ARHGEF18: variants seen among roughly 807,000 people sequenced by gnomAD.
The protein encoded by ARHGEF18 is rho guanine nucleotide exchange factor 18.
A neutral mutation model predicts 155.7 loss-of-function variants in ARHGEF18; 93 were observed. The observed-to-expected ratio is 0.60, with a 90% CI of 0.50 to 0.71. The LOEUF (loss-of-function observed/expected upper bound fraction) is 0.71, where lower values mean the gene tolerates loss of function less well. Ranked by LOEUF, ARHGEF18 falls within the 30% of genes least tolerant of loss-of-function variation. The probability of loss-of-function intolerance (pLI) is 0.00; values close to 1 mark genes in which losing one functional copy is unlikely to be tolerated. For synonymous variants in ARHGEF18, 742 were observed against 753.1 expected (o/e 0.99, Z 0.24); for missense variants, 1,593 against 1,816.1 (o/e 0.88, Z 2.23).
At chr19:7,418,902 C>T (rs893185280) in intron 10 of ARHGEF18, among the ~76,000 whole-genome samples, 7 of 151,882 alleles carry the variant, frequency 4.6e-5, no homozygotes, top group African/African-American at 1.7e-4. Flanking sequence ...GTCCACCTGG[C>T]GCCTGTTCAG....
chr19:7,409,270 G>A (rs1238062717), intron 10 of ARHGEF18, among the ~76,000 whole-genome samples: 5 of 147,128 alleles, frequency 3.4e-5, no homozygotes, highest in East Asian at 4.1e-4. Flanking sequence ...CATGTCAGCC[G>A]GGATGGTCTT....
chr19:7,359,028 C>T (rs143765333), intron 1 of ARHGEF18, among the ~76,000 whole-genome samples: 157 of 152,226 alleles, frequency 1.0e-3, no homozygotes, highest in African/African-American at 3.4e-3. Flanking sequence ...AAATTGTCTG[C>T]AGAGGATCTG....
At chr19:7,404,698 C>G (rs1033984865) in intron 10 of ARHGEF18, among the ~76,000 whole-genome samples, 1 of 152,158 alleles carries the variant, frequency 6.6e-6, no homozygotes, top group African/African-American at 2.4e-5. Context: ...GATCGTGGAG[C>G]TAATCCGACC....
At chr19:7,449,019 A>AT (rs1975190811) in intron 15 of ARHGEF18, among the ~76,000 whole-genome samples, 1 of 152,058 alleles carries the variant, frequency 6.6e-6, no homozygotes, top group Non-Finnish European at 1.5e-5. Context: ...ACTTCATTGC[A>AT]TTATAGGTAG....
At position 7,372,872 on chromosome 19, in the gene ARHGEF18, G is replaced by A. The variant is rs1056228088; in HGVS notation, c.76G>A (p.Ala26Thr). 3.2e-6 allele frequency: 4 copies of A among 1,234,344 alleles called. No homozygotes were observed. In the African/African-American group the frequency reaches 6.2e-5, roughly 19 times the overall value. The allele number at this position is 1,234,344 out of a possible 1,614,324, so 76.5% of individuals were successfully genotyped here. A position where few individuals can be genotyped will look rare whatever the true frequency, so the allele number is the denominator to read the frequency against. Residue 26 changes from alanine to threonine, a missense_variant, in exon 3 of 29, where the codon GCC (alanine) becomes ACC (threonine). Coordinates refer to ENST00000668164, the MANE Select transcript of ARHGEF18 (RefSeq NM_001367823.1). ...GGAGGACCTCAGCCTGGATTTGGGG[G>A]CCCTTCAGGGCAGCGAGTATCTGCA... ...SMEDLSLDLG[A>T]LQGSEYLQDL...
Position 7,451,202 on chromosome 19 carries a change from C to G in ARHGEF18, c.1791C>G (p.Leu597=), listed in dbSNP as rs755698243. 1.2e-6 allele frequency: 2 copies of G among 1,609,106 alleles called. No individual in the cohort carries two copies. Among genetic ancestry groups the G allele is most frequent in the Non-Finnish European group, 1.7e-6 (2 of 1,178,290 alleles). The change falls in exon 16 of 29, where the codon CTC becomes CTG. Residue 597 remains leucine (L), a synonymous_variant. Transcript: ENST00000668164. ...GGCTTGGCGTGCAGGAGTGCATTCT[C>G]CTGGTTACACAACGCATAACCAAAT... The part of the protein sequence containing the change: ...VRRLGVQECI[L]LVTQRITKYP...
chr19:7,449,713 G>T (rs1975240609), intron 15 of ARHGEF18, among the ~76,000 whole-genome samples: 1 of 151,988 alleles, frequency 6.6e-6, no homozygotes, highest in South Asian at 2.1e-4. Context: ...GTCTTGCTCT[G>T]TGGCCCAGGC....
In ARHGEF18 at chr19:7,371,878, A is replaced by G. The variant is rs1232782952; in HGVS notation, c.16-934A>G. Among the ~76,000 whole-genome samples, 3 of 152,210 alleles carry G rather than the reference A, an allele frequency of 2.0e-5. No homozygotes were observed. The East Asian group carries it at 5.8e-4, about 29-fold the overall frequency. ...TGTGATGTGTATTTCACTGGAATAA[A>G]AAGAAGGGAGGGGCCAAATCTATAA... On this transcript the variant is annotated intron_variant, in intron 2 of 28. Coordinates refer to ENST00000668164, the MANE Select transcript of ARHGEF18 (RefSeq NM_001367823.1).
In ARHGEF18 at chr19:7,370,292, G is replaced by A. The variant is rs544721082; in HGVS notation, c.16-2520G>A. Among the ~76,000 whole-genome samples, 5 of 152,216 alleles carry A rather than the reference G, an allele frequency of 3.3e-5. No individual in the cohort carries two copies. In the East Asian group the frequency reaches 7.7e-4, roughly 24 times the overall value. ...GGGTGGATCACGAGGTCAGGAGATC[G>A]AGACCATCCTGGCTAACACAGGGAA... On this transcript the variant is annotated intron_variant, in intron 2 of 28. Transcript: ENST00000668164.
intron 10 of ARHGEF18, among the ~76,000 whole-genome samples, chr19:7,422,721 T>TC (rs1450644177): frequency 1.4e-5 from 2 of 142,184 alleles, no homozygotes; most frequent in Non-Finnish European, 3.0e-5. Context: ...CTTTTCTTTT[T>TC]TTTTTTTTTT....
Position 7,450,868 on chromosome 19 carries a change from G to A in ARHGEF18, c.1738-281G>A, listed in dbSNP as rs577131544. On this transcript the variant is annotated intron_variant, in intron 15 of 28. Transcript: ENST00000668164. ...ATGTTAATGCGGCGTCTTGCTGTCC[G>A]TTTCCGAGATGTTAATGCGGGGTCT... Among the ~76,000 whole-genome samples, 112 of 10,068 alleles carry A rather than the reference G, an allele frequency of 0.011. 1 individual carries two copies. The East Asian group carries it at 0.19, about 17-fold the overall frequency. The allele number at this position is 10,068 out of a possible 152,430, so 6.6% of individuals were successfully genotyped here.
At chr19:7,355,677 G>A in intron 1 of ARHGEF18, 1 of 985,486 alleles carries the variant, frequency 1.0e-6, no homozygotes, top group Non-Finnish European at 1.2e-6. Flanking sequence ...TCCAAGCTGT[G>A]GCTGAAGCGG....
At chr19:7,375,351 AGAAAAG>A (rs941401786) in intron 3 of ARHGEF18, among the ~76,000 whole-genome samples, 1 of 143,736 alleles carries the variant, frequency 7.0e-6, no homozygotes, top group East Asian at 2.1e-4. Context: ...AGAAAAAGAA[AGAAAAG>A]GAAGGAAGGA....
At chr19:7,472,563 T>C (rs114487974), downstream of ARHGEF18, 2,077 of 174,368 alleles carry the variant, frequency 0.012, 45 homozygotes, top group African/African-American at 0.047. Flanking sequence ...GCAGGTTCTG[T>C]TGGGGGCTCC....
In ARHGEF18 at chr19:7,378,455, A is replaced by G. The variant is rs1282275421; in HGVS notation, c.599+4A>G. The G allele has an allele frequency of 8.1e-7, 1 of 1,233,692 alleles. No individual in the cohort carries two copies. Among genetic ancestry groups the G allele is most frequent in the Non-Finnish European group, 1.0e-6 (1 of 988,092 alleles). 76.4% of individuals were successfully genotyped at this position (1,233,692 alleles called of 1,614,324 possible). ...ACCATGTGGAACCAGATCACGTGTGAGTTTCTGCCTCGTGGTGGGGGAGGG... is the reference window on the plus strand; with the variant it reads ...ACCATGTGGAACCAGATCACGTGTGGGTTTCTGCCTCGTGGTGGGGGAGGG... On this transcript the variant is annotated splice_donor_region_variant and intron_variant, in intron 6 of 28. Coordinates refer to ENST00000668164, the MANE Select transcript of ARHGEF18 (RefSeq NM_001367823.1).
chr19:7,401,906 A>T (rs1972035439), intron 10 of ARHGEF18, among the ~76,000 whole-genome samples: 1 of 152,178 alleles, frequency 6.6e-6, no homozygotes, highest in Non-Finnish European at 1.5e-5. Flanking sequence ...CATGAAAAAG[A>T]AGTTCCGATA....
At chr19:7,378,333 GGCT>G in intron 5 of ARHGEF18, 58 bp from the exon 6 acceptor site, 2 of 1,211,516 alleles carry the variant, frequency 1.7e-6, no homozygotes, top group Non-Finnish European at 2.1e-6. Flanking sequence ...GGCTCTGCTG[GGCT>G]GGTCCTGTCC....
chr19:7,359,943 C>T (rs1305085496), intron 1 of ARHGEF18, among the ~76,000 whole-genome samples: 1 of 152,062 alleles, frequency 6.6e-6, no homozygotes, highest in Non-Finnish European at 1.5e-5. Flanking sequence ...TCATATGAGA[C>T]CAGGAGTTCG....
intron 2 of ARHGEF18, among the ~76,000 whole-genome samples, chr19:7,363,385 A>T (rs1365028098): frequency 6.6e-6 from 1 of 151,910 alleles, no homozygotes; most frequent in Non-Finnish European, 1.5e-5. Flanking sequence ...AGATGGATGG[A>T]CTGATGGAAG....
Sources: allele counts gnomAD v4.1 joint callset (sites outside exome capture counted in the v4.1 genomes callset), GRCh38; gene constraint gnomAD v4.1.1; transcripts MANE v1.5; gene names NCBI Gene and HGNC (gene_info 2026-07-23, HGNC 2026-07-21).